STARD13: variants seen among roughly 807,000 people sequenced by gnomAD.
The protein encoded by STARD13 is stAR-related lipid transfer protein 13.
Under a neutral mutation model 106.4 loss-of-function variants are expected in STARD13, and 62 were observed. The observed-to-expected ratio is 0.58, with a 90% confidence interval of 0.48 to 0.72. STARD13 has a LOEUF of 0.72. Among genes scored for constraint, STARD13 ranks in the 30% least tolerant of loss-of-function variants. The pLI is 0.00. For synonymous variants in STARD13, 565 were observed against 553.0 expected, an observed-to-expected ratio of 1.02 and a Z score of -0.31; for missense variants, 1,387 against 1,424.0, an observed-to-expected ratio of 0.97 and a Z score of 0.42.
the STARD13 span, among the ~76,000 whole-genome samples, chr13:33,483,638 G>A: frequency 3.3e-5 from 5 of 152,292 alleles, no homozygotes; most frequent in South Asian, 2.1e-4. Flanking sequence ...CATCATGATT[G>A]CTTCCTTACA....
rs537547887 is a variant in STARD13, at chr13:33,235,874, C to T, written c.169+49596G>A. ...AAACATTGCATTAGCAGCTTATGTCCTAAGAGCAGCAGGTGTGCTTGGGCA... is the reference window on the plus strand; with the variant it reads ...AAACATTGCATTAGCAGCTTATGTCTTAAGAGCAGCAGGTGTGCTTGGGCA... On this transcript the variant is annotated intron_variant, in intron 1 of 13. Transcript: ENST00000336934. Among the ~76,000 whole-genome samples, 7 of 152,344 alleles carry T rather than the reference C, an allele frequency of 4.6e-5. No homozygotes were observed. In the South Asian group the frequency reaches 1.0e-3, roughly 23 times the overall value.
intron 1 of STARD13, among the ~76,000 whole-genome samples, chr13:33,338,955 G>A (rs2077928721): frequency 6.6e-6 from 1 of 151,576 alleles, no homozygotes. Context: ...TGAAGGAAAT[G>A]GGTGGTTTCG....
chr13:33,205,860 CA>C, intron 1 of STARD13: 1 of 985,442 alleles, frequency 1.0e-6, no homozygotes, highest in Non-Finnish European at 1.2e-6. Flanking sequence ...ACCTTTCAAA[CA>C]AAACCCCTCT....
At chr13:33,547,384 A>G in the STARD13 span, among the ~76,000 whole-genome samples, 1 of 152,220 alleles carries the variant, frequency 6.6e-6, no homozygotes. Context: ...ACATATGTGT[A>G]TTTACATATT....
At chr13:33,323,308 T>C (rs1285265693) in intron 1 of STARD13, among the ~76,000 whole-genome samples, 2 of 152,180 alleles carry the variant, frequency 1.3e-5, no homozygotes, top group Non-Finnish European at 2.9e-5. Flanking sequence ...CTTTCTCCTA[T>C]GGAATTTACA....
chr13:33,660,515 A>G, the STARD13 span, among the ~76,000 whole-genome samples: 1 of 152,128 alleles, frequency 6.6e-6, no homozygotes, highest in South Asian at 2.1e-4. Context: ...TGATAGTAAC[A>G]TTTGGGGGTG....
intron 1 of STARD13, among the ~76,000 whole-genome samples, chr13:33,208,949 T>C (rs565627292): frequency 1.1e-3 from 174 of 152,354 alleles, no homozygotes; most frequent in Non-Finnish European, 2.0e-3. Flanking sequence ...TACAGCCACA[T>C]AGTGAAATAC....
the STARD13 span, among the ~76,000 whole-genome samples, chr13:33,411,798 G>T: frequency 6.6e-6 from 1 of 152,140 alleles, no homozygotes; most frequent in Non-Finnish European, 1.5e-5. Flanking sequence ...CACATGGCTT[G>T]ATGGAAAAAC....
chr13:33,551,355 A>G, the STARD13 span, among the ~76,000 whole-genome samples: 7 of 152,198 alleles, frequency 4.6e-5, 1 homozygote, highest in East Asian at 1.4e-3. Context: ...CAGGTGTGGA[A>G]TTTTCAACTT....
At chr13:33,633,458 A>G in the STARD13 span, among the ~76,000 whole-genome samples, 1 of 152,226 alleles carries the variant, frequency 6.6e-6, no homozygotes, top group East Asian at 1.9e-4. Flanking sequence ...TATCCAGTTT[A>G]GTGGATATTA....
chr13:33,311,241 G>A (rs892175488), intron 1 of STARD13, among the ~76,000 whole-genome samples: 32 of 151,936 alleles, frequency 2.1e-4, no homozygotes, highest in African/African-American at 7.3e-4. Flanking sequence ...AGGCTGCTGT[G>A]AGTCATGATT....
chr13:33,114,725 C>G (rs1288807564), intron 8 of STARD13, among the ~76,000 whole-genome samples: 1 of 152,004 alleles, frequency 6.6e-6, no homozygotes, highest in Non-Finnish European at 1.5e-5. Context: ...ACATTTTTTC[C>G]CAGCCATCAT....
Position 33,111,060 on chromosome 13 carries a change from C to G in STARD13, c.2608-153G>C, listed in dbSNP as rs184735379. Among the ~76,000 whole-genome samples, 48 of 152,322 alleles carry G rather than the reference C, an allele frequency of 3.2e-4. No homozygotes were observed. In the East Asian group the frequency reaches 6.9e-3, roughly 22 times the overall value. ...GTTTTTCTAAGATCATTGCCAAGGC[C>G]GGGAGGGGCCTTCCTAAAGTCAGGA... On this transcript the variant is annotated intron_variant, in intron 10 of 13. Transcript: ENST00000336934.
chr13:33,473,185 C>G, the STARD13 span, among the ~76,000 whole-genome samples: 1 of 152,146 alleles, frequency 6.6e-6, no homozygotes, highest in East Asian at 1.9e-4. Context: ...AGGATACTAT[C>G]CTGCTTCAGA....
the STARD13 span, among the ~76,000 whole-genome samples, chr13:33,649,667 T>C: frequency 1.3e-5 from 2 of 152,230 alleles, no homozygotes; most frequent in East Asian, 1.9e-4. Context: ...CTCAAAACAC[T>C]TGATGTCAAA....
chr13:33,260,303 G>A (rs1298564058), intron 1 of STARD13, among the ~76,000 whole-genome samples: 3 of 152,156 alleles, frequency 2.0e-5, no homozygotes, highest in South Asian at 2.1e-4. Context: ...AGCATCTTTC[G>A]CACTTATTTG....
At chr13:33,523,675 C>T in the STARD13 span, among the ~76,000 whole-genome samples, 1 of 152,026 alleles carries the variant, frequency 6.6e-6, no homozygotes, top group Admixed American at 6.6e-5. Flanking sequence ...AAAGGTTGGT[C>T]AATTTTTTCC....
At chr13:33,191,358 T>C (rs1001023583) in intron 1 of STARD13, among the ~76,000 whole-genome samples, 1 of 152,222 alleles carries the variant, frequency 6.6e-6, no homozygotes, top group Non-Finnish European at 1.5e-5. Flanking sequence ...CTTTACCCTA[T>C]CTGATTTTAA....
intron 1 of STARD13, among the ~76,000 whole-genome samples, chr13:33,332,325 G>A (rs1375617687): frequency 2.6e-5 from 4 of 152,126 alleles, no homozygotes; most frequent in African/African-American, 4.8e-5. Context: ...CTTTTGCAAC[G>A]AACTGAATGT....
Sources: allele counts gnomAD v4.1 joint callset (sites outside exome capture counted in the v4.1 genomes callset), GRCh38; gene constraint gnomAD v4.1.1; transcripts MANE v1.5; gene names NCBI Gene and HGNC (gene_info 2026-07-23, HGNC 2026-07-21).